Variants in CALN1 observed in about 807,000 individuals in gnomAD.
The protein encoded by CALN1 is calcium-binding protein 8.
A neutral mutation model predicts 30.6 loss-of-function variants in CALN1; 17 were observed. That is an observed-to-expected ratio of 0.56 (90% confidence interval 0.38 to 0.83). The LOEUF (loss-of-function observed/expected upper bound fraction) is 0.83. Ranked by LOEUF, CALN1 falls within the 40% of genes least tolerant of loss-of-function variation. CALN1 has a pLI of 0.00. For missense variants in CALN1, 291 were observed against 354.9 expected (o/e 0.82, Z 1.45); for synonymous variants, 156 against 131.4 (o/e 1.19, Z -1.28).
chr7:72,219,051 G>A (rs974197097), intron 3 of CALN1, among the ~76,000 whole-genome samples: 1 of 152,142 alleles, frequency 6.6e-6, no homozygotes, highest in African/African-American at 2.4e-5. Flanking sequence ...CCCCACTCTT[G>A]ACTCTGACAA....
chr7:72,495,278 G>T, the CALN1 span, among the ~76,000 whole-genome samples: 1 of 152,016 alleles, frequency 6.6e-6, no homozygotes, highest in Non-Finnish European at 1.5e-5. Context: ...TCCTCCTTGG[G>T]CAGGAGTCCA....
chr7:72,467,813 C>T, the CALN1 span, among the ~76,000 whole-genome samples: 1 of 152,190 alleles, frequency 6.6e-6, no homozygotes, highest in African/African-American at 2.4e-5. Context: ...TCCACCTCTA[C>T]CTGGTTGCAA....
At chr7:72,283,794 G>T (rs930280085) in intron 2 of CALN1, among the ~76,000 whole-genome samples, 1 of 152,202 alleles carries the variant, frequency 6.6e-6, no homozygotes, top group Non-Finnish European at 1.5e-5. Context: ...CAAAGCACCA[G>T]CGGGTTCCAG....
intron 5 of CALN1, among the ~76,000 whole-genome samples, chr7:71,852,674 A>G (rs115434544): frequency 2.4e-3 from 371 of 152,272 alleles, no homozygotes; most frequent in African/African-American, 8.4e-3. Context: ...CACTCCTCTC[A>G]GTCATGTCTG....
At chr7:72,271,273 T>TATC (rs1162671047) in intron 3 of CALN1, among the ~76,000 whole-genome samples, 2 of 152,010 alleles carry the variant, frequency 1.3e-5, no homozygotes, top group African/African-American at 4.8e-5. Flanking sequence ...CATCAGCACG[T>TATC]AGATGCTCGG....
At chr7:71,978,704 G>A (rs975543739) in intron 5 of CALN1, among the ~76,000 whole-genome samples, 1 of 152,178 alleles carries the variant, frequency 6.6e-6, no homozygotes, top group African/African-American at 2.4e-5. Flanking sequence ...CATATAGAGA[G>A]AGACCAAACT....
chr7:72,172,970 G>GA (rs1343798734), intron 3 of CALN1, among the ~76,000 whole-genome samples: 2 of 148,978 alleles, frequency 1.3e-5, no homozygotes, highest in South Asian at 4.2e-4. Flanking sequence ...AATAAGGCAA[G>GA]AAAAAAAAGA....
At chr7:71,813,901 A>G (rs1210173471) in intron 5 of CALN1, among the ~76,000 whole-genome samples, 1 of 147,010 alleles carries the variant, frequency 6.8e-6, no homozygotes, top group Non-Finnish European at 1.5e-5. Context: ...ACTGCACTCC[A>G]GCCTGGGTGA....
intron 2 of CALN1, among the ~76,000 whole-genome samples, chr7:72,300,031 C>A (rs1169804200): frequency 6.6e-6 from 1 of 152,098 alleles, no homozygotes; most frequent in African/African-American, 2.4e-5. Flanking sequence ...CAGGCGCATG[C>A]CACCATGCCC....
chr7:72,213,425 T>G (rs530958390), intron 3 of CALN1, among the ~76,000 whole-genome samples: 3 of 152,296 alleles, frequency 2.0e-5, no homozygotes, highest in Non-Finnish European at 2.9e-5. Flanking sequence ...GATTAGTGGT[T>G]GCCTGGGGCT....
intron 2 of CALN1, among the ~76,000 whole-genome samples, chr7:72,283,586 A>T (rs532907914): frequency 6.6e-6 from 1 of 152,218 alleles, no homozygotes; most frequent in East Asian, 1.9e-4. Flanking sequence ...GCATCTGCTC[A>T]GTGAGTAACA....
the CALN1 span, among the ~76,000 whole-genome samples, chr7:72,501,959 A>C: frequency 8.0e-6 from 1 of 124,840 alleles, no homozygotes; most frequent in African/African-American, 3.3e-5. Flanking sequence ...ACACACATAT[A>C]TATATATAAA....
rs869149598 is a variant in CALN1 at position 72,203,979 on chromosome 7, C to CTTTTTT, written c.244+74701_244+74706dup. On this transcript the variant is annotated intron_variant, in intron 3 of 6. Coordinates refer to ENST00000395275, the MANE Select transcript of CALN1 (RefSeq NM_031468.4). ...TAGCCTTCATATAAGAGGCCTCTCT[C>CTTTTTT]TTTTTTTTTTTTTTTTTTTTTTTTT... is the stretch of plus-strand genomic sequence containing the variant. Among the ~76,000 whole-genome samples, 221 of 83,764 alleles carry CTTTTTT rather than the reference C, an allele frequency of 2.6e-3. 29 individuals carry two copies. The highest frequency in any genetic ancestry group is 5.4e-3 in the African/African-American group (104 of 19,124). The allele number at this position is 83,764 out of a possible 152,430, so 55.0% of individuals were successfully genotyped here.
chr7:72,359,091 C>T (rs931081706), intron 2 of CALN1, among the ~76,000 whole-genome samples: 7 of 152,126 alleles, frequency 4.6e-5, no homozygotes, highest in African/African-American at 1.2e-4. Context: ...CCAGGCCCTC[C>T]GCTGTGCTTC....
intron 2 of CALN1, among the ~76,000 whole-genome samples, chr7:72,308,936 T>A (rs1170940231): frequency 6.6e-6 from 1 of 152,208 alleles, no homozygotes; most frequent in Non-Finnish European, 1.5e-5. Flanking sequence ...AGGAAAATAG[T>A]AAACATTTTT....
In CALN1 at chr7:71,870,634, T is replaced by C. The variant is rs113733065; in HGVS notation, c.502-60142A>G. Among the ~76,000 whole-genome samples, 1,260 of 152,306 alleles carry C rather than the reference T, an allele frequency of 8.3e-3. 14 individuals are homozygous for C. Among genetic ancestry groups the C allele is most frequent in the African/African-American group, 0.028 (1,183 of 41,556 alleles). ...TTTTCCAAAATTTTGATATTGAGTC[T>C]CTGTTACTTTTATAATTAGGAGAAC... On this transcript the variant is annotated intron_variant, in intron 5 of 6. Coordinates refer to ENST00000395275, the MANE Select transcript of CALN1 (RefSeq NM_031468.4).
chr7:71,903,037 T>A (rs533051919), intron 5 of CALN1, among the ~76,000 whole-genome samples: 96 of 151,612 alleles, frequency 6.3e-4, no homozygotes, highest in African/African-American at 2.1e-3. Flanking sequence ...AGTAAAAATT[T>A]AAAAAAAATT....
intron 2 of CALN1, among the ~76,000 whole-genome samples, chr7:72,312,837 A>AG (rs1800145684): frequency 8.4e-6 from 1 of 118,606 alleles, no homozygotes; most frequent in East Asian, 3.0e-4. Flanking sequence ...GCCCTATCAT[A>AG]ATTTTTTTTT....
At chr7:71,905,900 T>C (rs1490377210) in intron 5 of CALN1, among the ~76,000 whole-genome samples, 2 of 152,030 alleles carry the variant, frequency 1.3e-5, no homozygotes, top group Non-Finnish European at 2.9e-5. Flanking sequence ...CTCAGGAAAC[T>C]TACAATTATG....
Sources: gnomAD v4.1 joint callset for allele counts (sites outside exome capture counted in the v4.1 genomes callset) on GRCh38, gnomAD v4.1.1 for gene constraint, MANE v1.5 for transcripts, NCBI Gene and HGNC (gene_info 2026-07-23, HGNC 2026-07-21) for gene names.